ST6GALNAC5: variants seen among roughly 807,000 people sequenced by gnomAD.
ST6GALNAC5 encodes the protein ST6 N-acetylgalactosaminide alpha-2,6-sialyltransferase 5, also known as alpha-N-acetylgalactosaminide alpha-2,6-sialyltransferase 5.
ST6GALNAC5 carries 27 observed loss-of-function variants against 33.6 expected under a neutral mutation model. That is an observed-to-expected ratio of 0.80 (90% confidence interval 0.59 to 1.11). ST6GALNAC5 has a LOEUF of 1.11. Among genes scored for constraint, ST6GALNAC5 ranks in the 50% least tolerant of loss-of-function variants. The probability of loss-of-function intolerance (pLI) is 0.00; values close to 1 mark genes in which losing one functional copy is unlikely to be tolerated. For missense variants in ST6GALNAC5, 428 were observed against 454.0 expected (o/e 0.94, Z 0.52); for synonymous variants, 194 against 171.2 (o/e 1.13, Z -1.04).
At position 77,063,502 on chromosome 1, in the gene ST6GALNAC5, G is replaced by T; in HGVS notation, c.*296G>T. ...AAAACAGTTTGGATCTCTTAGTATTGCCTTTGAAACTGCAACATAAGCAAC... is the reference window on the plus strand; with the variant it reads ...AAAACAGTTTGGATCTCTTAGTATTTCCTTTGAAACTGCAACATAAGCAAC... On this transcript the variant is annotated 3_prime_UTR_variant, in exon 5 of 5. Transcript: ENST00000477717. 2.6e-6 allele frequency: 1 copy of T among 377,610 alleles called. No homozygotes were observed. Among genetic ancestry groups the T allele is most frequent in the South Asian group, 3.6e-5 (1 of 28,024 alleles). 23.4% of individuals were successfully genotyped at this position (377,610 alleles called of 1,614,324 possible).
chr1:76,907,938 A>C (rs1362634967), intron 2 of ST6GALNAC5, among the ~76,000 whole-genome samples: 2 of 152,188 alleles, frequency 1.3e-5, no homozygotes, highest in Non-Finnish European at 2.9e-5. Flanking sequence ...CATTATATTT[A>C]TGCGAACACT....
intron 2 of ST6GALNAC5, among the ~76,000 whole-genome samples, chr1:77,018,621 C>G (rs1314016263): frequency 6.6e-6 from 1 of 152,156 alleles, no homozygotes; most frequent in African/African-American, 2.4e-5. Context: ...GGAATCTGGC[C>G]TCAGTTTAAA....
intron 2 of ST6GALNAC5, among the ~76,000 whole-genome samples, chr1:76,942,724 G>C (rs372905080): frequency 6.6e-6 from 1 of 152,072 alleles, no homozygotes; most frequent in African/African-American, 2.4e-5. Flanking sequence ...AGATAAACCA[G>C]ACTCCAAAAG....
At chr1:77,016,904 A>G (rs1650871890) in intron 2 of ST6GALNAC5, among the ~76,000 whole-genome samples, 1 of 152,150 alleles carries the variant, frequency 6.6e-6, no homozygotes, top group South Asian at 2.1e-4. Flanking sequence ...TTGAGAAATG[A>G]TGTGATAAGC....
intron 2 of ST6GALNAC5, among the ~76,000 whole-genome samples, chr1:76,930,262 T>C (rs567904677): frequency 1.3e-4 from 20 of 152,298 alleles, no homozygotes; most frequent in Middle Eastern, 3.4e-3. Flanking sequence ...GAGGATAGTT[T>C]ATATGTCTAA....
chr1:76,894,227 T>C (rs1410891975), intron 2 of ST6GALNAC5, among the ~76,000 whole-genome samples: 1 of 152,234 alleles, frequency 6.6e-6, no homozygotes, highest in South Asian at 2.1e-4. Context: ...TGAATCATCA[T>C]AAAATTTTTG....
rs538801881 is a variant in ST6GALNAC5 at position 76,913,316 on chromosome 1, G to T, written c.261+44574G>T. Among the ~76,000 whole-genome samples, 39 of 151,232 alleles carry T rather than the reference G, an allele frequency of 2.6e-4. No homozygotes were observed. In the South Asian group the frequency reaches 7.9e-3, roughly 31 times the overall value. ...GTTAGTCTGATGGGCTTCTCTTTGTGGGTAACCCGACCTTTCTCTCTGGCT... is the reference window on the plus strand; with the variant it reads ...GTTAGTCTGATGGGCTTCTCTTTGTTGGTAACCCGACCTTTCTCTCTGGCT... On this transcript the variant is annotated intron_variant, in intron 2 of 4. Transcript: ENST00000477717.
intron 2 of ST6GALNAC5, among the ~76,000 whole-genome samples, chr1:77,033,098 C>G (rs1258830689): frequency 6.6e-6 from 1 of 152,190 alleles, no homozygotes; most frequent in Non-Finnish European, 1.5e-5. Context: ...GAAATCACAT[C>G]AGGGAGTTAT....
At chr1:76,943,220 A>G (rs1380886291) in intron 2 of ST6GALNAC5, among the ~76,000 whole-genome samples, 1 of 152,144 alleles carries the variant, frequency 6.6e-6, no homozygotes, top group Non-Finnish European at 1.5e-5. Context: ...ACAAGTGAAG[A>G]AACTGAGGTA....
In ST6GALNAC5 at chr1:76,914,415, G is replaced by A. The variant is rs932811572; in HGVS notation, c.261+45673G>A. On this transcript the variant is annotated intron_variant, in intron 2 of 4. Transcript: ENST00000477717. ...CTAAGCCAAAAGAACAAAGCTGGAG[G>A]CATCACGCTACCTGACTTCAAACTC... Among the ~76,000 whole-genome samples, 46 of 152,254 alleles carry A rather than the reference G, an allele frequency of 3.0e-4. 1 individual carries two copies. Among genetic ancestry groups the A allele is most frequent in the African/African-American group, 1.0e-3 (43 of 41,558 alleles).
At chr1:76,922,277 A>G (rs948502205) in intron 2 of ST6GALNAC5, among the ~76,000 whole-genome samples, 7 of 152,198 alleles carry the variant, frequency 4.6e-5, no homozygotes, top group Admixed American at 2.6e-4. Context: ...TCCAAAGTAA[A>G]TGAAATACTT....
At chr1:77,027,206 C>T (rs1310772180) in intron 2 of ST6GALNAC5, among the ~76,000 whole-genome samples, 3 of 152,206 alleles carry the variant, frequency 2.0e-5, no homozygotes, top group Non-Finnish European at 2.9e-5. Context: ...TAATCACTTA[C>T]AACAAAAACA....
chr1:76,950,788 C>A lies in ST6GALNAC5; in HGVS notation c.261+82046C>A, dbSNP rs530165307. On this transcript the variant is annotated intron_variant, in intron 2 of 4. Coordinates refer to ENST00000477717, the MANE Select transcript of ST6GALNAC5 (RefSeq NM_030965.3). The stretch of plus-strand genomic sequence containing the variant: ...AGGGCATAGAATAGGGAATGAAAAG[C>A]CAGAATGGGCCAAAAATATCTGCAT... Among the ~76,000 whole-genome samples the A allele has an allele frequency of 9.9e-5, 15 of 152,070 alleles. No homozygotes were observed. The South Asian group carries it at 3.1e-3, about 32-fold the overall frequency.
chr1:77,057,460 C>G (rs12122919), intron 4 of ST6GALNAC5, among the ~76,000 whole-genome samples: 1 of 152,106 alleles, frequency 6.6e-6, no homozygotes, highest in Non-Finnish European at 1.5e-5. Context: ...TATTTTTATG[C>G]TAAGCTTGAT....
intron 3 of ST6GALNAC5, among the ~76,000 whole-genome samples, chr1:77,047,040 T>G (rs1652036624): frequency 6.6e-6 from 1 of 152,234 alleles, no homozygotes; most frequent in Non-Finnish European, 1.5e-5. Flanking sequence ...TTCTTCCTGG[T>G]CGTCCTGGCT....
intron 2 of ST6GALNAC5, among the ~76,000 whole-genome samples, chr1:76,979,142 G>C (rs534622825): frequency 6.6e-6 from 1 of 151,944 alleles, no homozygotes; most frequent in East Asian, 1.9e-4. Flanking sequence ...AAATGGAAAG[G>C]TAACATGTGA....
intron 2 of ST6GALNAC5, among the ~76,000 whole-genome samples, chr1:77,002,519 T>C (rs1202376905): frequency 6.6e-6 from 1 of 150,914 alleles, no homozygotes; most frequent in African/African-American, 2.4e-5. Context: ...TAGTTATTTC[T>C]TGCCTTCTGC....
At chr1:76,933,781 A>C (rs1025137198) in intron 2 of ST6GALNAC5, among the ~76,000 whole-genome samples, 17 of 151,434 alleles carry the variant, frequency 1.1e-4, no homozygotes, top group African/African-American at 2.4e-4. Flanking sequence ...AAAAAAAAAA[A>C]AAAAGCCCAG....
At chr1:77,002,071 G>T (rs1650191969) in intron 2 of ST6GALNAC5, among the ~76,000 whole-genome samples, 1 of 151,978 alleles carries the variant, frequency 6.6e-6, no homozygotes, top group South Asian at 2.1e-4. Flanking sequence ...AATGGTACCA[G>T]TTCCTCCTTG....
Sources: allele counts gnomAD v4.1 joint callset (sites outside exome capture counted in the v4.1 genomes callset), GRCh38; gene constraint gnomAD v4.1.1; transcripts MANE v1.5; gene names NCBI Gene and HGNC (gene_info 2026-07-23, HGNC 2026-07-21).